The following SLC8A1 variants were observed in gnomAD, a reference collection of about 807,000 sequenced individuals.
SLC8A1 encodes solute carrier family 8 member A1, also known as sodium/calcium exchanger 1.
In SLC8A1, 18 loss-of-function variants were observed where a neutral mutation model predicts 68.3. That is an observed-to-expected ratio of 0.26 (90% confidence interval 0.18 to 0.39). The LOEUF is 0.39. Among genes scored for constraint, SLC8A1 ranks in the 10% least tolerant of loss-of-function variants. The pLI, the probability that SLC8A1 is intolerant of heterozygous loss-of-function variation, is 1.00. For synonymous variants in SLC8A1, 475 were observed against 415.5 expected (o/e 1.14, Z -1.74); for missense variants, 985 against 1,156.7 (o/e 0.85, Z 2.15).
intron 1 of SLC8A1, among the ~76,000 whole-genome samples, chr2:40,486,096 T>C (rs1704951117): frequency 6.6e-6 from 1 of 152,196 alleles, no homozygotes; most frequent in Non-Finnish European, 1.5e-5. Flanking sequence ...TGAGTTCTCA[T>C]GAGAACTGAT....
intron 2 of SLC8A1, among the ~76,000 whole-genome samples, chr2:40,226,982 G>A (rs2059059449): frequency 6.6e-6 from 1 of 152,012 alleles, no homozygotes; most frequent in Non-Finnish European, 1.5e-5. Context: ...ACAACTAAGA[G>A]ACATTTTAAC....
intron 2 of SLC8A1, among the ~76,000 whole-genome samples, chr2:40,194,468 A>AAT (rs2052534779): frequency 7.9e-6 from 1 of 126,636 alleles, no homozygotes; most frequent in African/African-American, 3.4e-5. Flanking sequence ...CTCAGTAAGC[A>AAT]ATGTGTGTGT....
intron 6 of SLC8A1, among the ~76,000 whole-genome samples, chr2:40,156,980 C>A (rs2044653418): frequency 6.6e-6 from 1 of 152,104 alleles, no homozygotes; most frequent in Non-Finnish European, 1.5e-5. Flanking sequence ...CTGGTACTGC[C>A]CCTTAACAGT....
chr2:40,331,037 G>A (rs1191479430), intron 2 of SLC8A1, among the ~76,000 whole-genome samples: 2 of 152,168 alleles, frequency 1.3e-5, no homozygotes, highest in African/African-American at 2.4e-5. Flanking sequence ...AGGAGTACAC[G>A]TAGATGCTAG....
intron 2 of SLC8A1, among the ~76,000 whole-genome samples, chr2:40,279,844 A>G (rs1454956822): frequency 1.3e-5 from 2 of 152,178 alleles, no homozygotes; most frequent in African/African-American, 4.8e-5. Context: ...TCTGTAGCTC[A>G]CCAATCTCCT....
intron 2 of SLC8A1, among the ~76,000 whole-genome samples, chr2:40,383,875 A>T (rs890738542): frequency 1.3e-4 from 20 of 152,154 alleles, no homozygotes; most frequent in Non-Finnish European, 1.9e-4. Flanking sequence ...TAGAGATACA[A>T]TGTAGTCCTA....
intron 2 of SLC8A1, among the ~76,000 whole-genome samples, chr2:40,235,743 A>G (rs1002957218): frequency 6.8e-4 from 102 of 150,608 alleles, no homozygotes; most frequent in African/African-American, 2.4e-3. Context: ...ATTTAGTGCT[A>G]TAAATTTCCC....
intron 2 of SLC8A1, among the ~76,000 whole-genome samples, chr2:40,418,804 C>G (rs1236910651): frequency 6.6e-6 from 1 of 152,184 alleles, no homozygotes; most frequent in Non-Finnish European, 1.5e-5. Flanking sequence ...GGCAGCCAAA[C>G]TGTGACAGGA....
chr2:40,485,732 C>A (rs1399523292), intron 1 of SLC8A1, among the ~76,000 whole-genome samples: 1 of 152,110 alleles, frequency 6.6e-6, no homozygotes, highest in Non-Finnish European at 1.5e-5. Context: ...AAGAAATCCT[C>A]AAGAAGACAA....
chr2:40,273,207 C>T (rs891065691), intron 2 of SLC8A1, among the ~76,000 whole-genome samples: 4 of 151,914 alleles, frequency 2.6e-5, no homozygotes, highest in Middle Eastern at 6.9e-3. Flanking sequence ...TCCCAAAGTG[C>T]TGGGATTACA....
intron 2 of SLC8A1, among the ~76,000 whole-genome samples, chr2:40,379,080 C>A (rs1379559744): frequency 6.6e-6 from 1 of 152,118 alleles, no homozygotes; most frequent in East Asian, 1.9e-4. Context: ...TAGCATCTGG[C>A]TCATAATAGA....
intron 2 of SLC8A1, among the ~76,000 whole-genome samples, chr2:40,182,505 A>G (rs1024466278): frequency 6.6e-6 from 1 of 152,150 alleles, no homozygotes; most frequent in African/African-American, 2.4e-5. Flanking sequence ...AAAGAAAAAA[A>G]CATTCGGTTA....
chr2:40,219,170 T>A (rs1265257376), intron 2 of SLC8A1, among the ~76,000 whole-genome samples: 1 of 152,006 alleles, frequency 6.6e-6, no homozygotes, highest in Non-Finnish European at 1.5e-5. Flanking sequence ...TGGAGCGGAG[T>A]TGGGTCATGG....
At chr2:40,202,955 G>GCCTCACAGGCTTA (rs2054676707) in intron 2 of SLC8A1, among the ~76,000 whole-genome samples, 1 of 151,894 alleles carries the variant, frequency 6.6e-6, no homozygotes, top group African/African-American at 2.4e-5. Flanking sequence ...TTTAAAAAGT[G>GCCTCACAGGCTTA]TCCCTGTGAT....
At chr2:40,369,762 G>C (rs1486218853) in intron 2 of SLC8A1, among the ~76,000 whole-genome samples, 2 of 152,024 alleles carry the variant, frequency 1.3e-5, no homozygotes, top group Non-Finnish European at 2.9e-5. Context: ...TTGAGCCATT[G>C]GCCAGAGCCA....
At chr2:40,126,000 G>T (rs2038008653) in intron 7 of SLC8A1, among the ~76,000 whole-genome samples, 1 of 152,146 alleles carries the variant, frequency 6.6e-6, no homozygotes, top group Non-Finnish European at 1.5e-5. Context: ...AGATGGGTGG[G>T]AGCAGTTACC....
chr2:40,121,874 T>C (rs905306700), intron 7 of SLC8A1, among the ~76,000 whole-genome samples: 5 of 152,198 alleles, frequency 3.3e-5, no homozygotes, highest in Admixed American at 6.5e-5. Flanking sequence ...GAGCTTAAAA[T>C]TCTTAATTAT....
chr2:40,431,190 G>C (rs780925890), intron 1 of SLC8A1, among the ~76,000 whole-genome samples: 3 of 151,884 alleles, frequency 2.0e-5, no homozygotes, highest in East Asian at 1.9e-4. Flanking sequence ...CCAAGGCCTA[G>C]TTGTGGGTAA....
chr2:40,165,849 A>G (rs951494195), intron 4 of SLC8A1, among the ~76,000 whole-genome samples: 5 of 152,196 alleles, frequency 3.3e-5, no homozygotes, highest in African/African-American at 1.2e-4. Flanking sequence ...GATAAATCCC[A>G]GACTGAAAAG....
Sources: gnomAD v4.1 joint callset for allele counts (sites outside exome capture counted in the v4.1 genomes callset) on GRCh38, gnomAD v4.1.1 for gene constraint, MANE v1.5 for transcripts, NCBI Gene and HGNC (gene_info 2026-07-23, HGNC 2026-07-21) for gene names.